Variants in ZNF423 observed in about 807,000 individuals in gnomAD.
ZNF423 encodes the protein zinc finger protein 423.
In ZNF423, 12 loss-of-function variants were observed where a neutral mutation model predicts 95.8. The observed-to-expected ratio is 0.13, with a 90% CI of 0.08 to 0.20. The LOEUF (loss-of-function observed/expected upper bound fraction) is 0.20, where lower values mean the gene tolerates loss of function less well. ZNF423 is among the 10% of genes least tolerant of loss of function. The pLI, the probability that ZNF423 is intolerant of heterozygous loss-of-function variation, is 1.00. For missense variants in ZNF423, 1,316 were observed against 1,737.1 expected, an observed-to-expected ratio of 0.76 and a Z score of 4.31; for synonymous variants, 749 against 711.9, an observed-to-expected ratio of 1.05 and a Z score of -0.83.
At chr16:49,664,202 G>A (rs1250433332) in intron 3 of ZNF423, 2 of 985,452 alleles carry the variant, frequency 2.0e-6, no homozygotes, top group Non-Finnish European at 2.4e-6. Flanking sequence ...GGGCTGGAGA[G>A]GCGCTTCCCA....
chr16:49,623,353 C>T (rs956398016), intron 5 of ZNF423, among the ~76,000 whole-genome samples: 1 of 152,156 alleles, frequency 6.6e-6, no homozygotes, highest in African/African-American at 2.4e-5. Context: ...TTTTGTGTTT[C>T]CCACAACTCT....
intron 3 of ZNF423, among the ~76,000 whole-genome samples, chr16:49,658,628 T>C (rs2030023611): frequency 6.6e-6 from 1 of 152,206 alleles, no homozygotes; most frequent in Non-Finnish European, 1.5e-5. Context: ...CTCTGGGATA[T>C]GGCAGCAGCA....
intron 3 of ZNF423, among the ~76,000 whole-genome samples, chr16:49,702,394 C>T (rs962091842): frequency 6.6e-6 from 1 of 152,220 alleles, no homozygotes; most frequent in Non-Finnish European, 1.5e-5. Flanking sequence ...TTCGAGTGGG[C>T]CAGCCCCATC....
In ZNF423 at chr16:49,742,171, A is replaced by C. The variant is rs974411663; in HGVS notation, c.101-11200T>G. Among the ~76,000 whole-genome samples, 3 of 152,180 alleles carry C rather than the reference A, an allele frequency of 2.0e-5. No individual in the cohort carries two copies. The South Asian group carries it at 6.2e-4, about 32-fold the overall frequency. ...CTTGTTTTTTATGGGTGTTCCATAC[A>C]TGCACGAATGAATGACTCTACCCTC... On this transcript the variant is annotated intron_variant, in intron 2 of 7. Transcript: ENST00000563137.
chr16:49,638,890 G>A lies in ZNF423; in HGVS notation c.302-16C>T, dbSNP rs553708855. 6.3e-7 allele frequency: 1 copy of A among 1,590,350 alleles called. No homozygotes were observed. The highest frequency in any genetic ancestry group is 2.2e-5 in the East Asian group (1 of 44,646). Reference sequence around the variant, plus strand: ...TCATCACCATCTGCAAGAGAAGGCAGAGAGGATATTAGAGGCAATTCCCAG... The same window carrying A: ...TCATCACCATCTGCAAGAGAAGGCAAAGAGGATATTAGAGGCAATTCCCAG... On this transcript the variant is annotated splice_polypyrimidine_tract_variant and intron_variant, in intron 3 of 7. Coordinates refer to ENST00000563137, the MANE Select transcript of ZNF423 (RefSeq NM_001379286.1). The surrounding 1 kb of genome is among the most constrained non-coding windows in gnomAD (Gnocchi z 5.6).
At chr16:49,539,892 G>C (rs976275977) in intron 5 of ZNF423, among the ~76,000 whole-genome samples, 3 of 152,208 alleles carry the variant, frequency 2.0e-5, no homozygotes, top group African/African-American at 2.4e-5. Flanking sequence ...GCAGGAGTTG[G>C]AGGCCCAGCA....
intron 1 of ZNF423, among the ~76,000 whole-genome samples, chr16:49,842,531 G>A (rs544082760): frequency 1.3e-5 from 2 of 152,032 alleles, no homozygotes; most frequent in South Asian, 4.2e-4. Context: ...AGGATCACTT[G>A]AGCCCAAGAG....
intron 7 of ZNF423, chr16:49,518,704 A>G (rs2151696597): frequency 5.6e-6 from 2 of 355,396 alleles, no homozygotes; most frequent in East Asian, 1.5e-4. Context: ...TGTCATGTCA[A>G]TAAAACCATA....
chr16:49,722,522 C>T (rs2032895423), intron 3 of ZNF423, among the ~76,000 whole-genome samples: 1 of 152,222 alleles, frequency 6.6e-6, no homozygotes. Context: ...TAATAGCACA[C>T]ACTAAAGAAA....
rs191391097 is a variant in ZNF423, at chr16:49,678,896, A to G, written c.302-40022T>C. On this transcript the variant is annotated intron_variant, in intron 3 of 7. Transcript: ENST00000563137. ...AGATACAGGAATCAATTCTCAATCC[A>G]TACAAATGCTCAGAGATACCTTGGA... 3.9e-5 allele frequency among the ~76,000 whole-genome samples: 6 copies of G among 152,340 alleles called. No homozygotes were observed. The East Asian group carries it at 1.2e-3, about 29-fold the overall frequency.
At chr16:49,796,081 C>G (rs1490323382) in intron 1 of ZNF423, among the ~76,000 whole-genome samples, 1 of 152,098 alleles carries the variant, frequency 6.6e-6, no homozygotes, top group African/African-American at 2.4e-5. Context: ...CAGGACTCCA[C>G]GTTGACTCTC....
chr16:49,528,050 G>A (rs777760865), intron 5 of ZNF423, among the ~76,000 whole-genome samples: 9 of 152,070 alleles, frequency 5.9e-5, no homozygotes, highest in Non-Finnish European at 1.0e-4. Flanking sequence ...GAGGAGAGAC[G>A]TCCCCAGGCT....
At chr16:49,663,008 G>T (rs2151916341) in intron 3 of ZNF423, among the ~76,000 whole-genome samples, 1 of 152,236 alleles carries the variant, frequency 6.6e-6, no homozygotes, top group South Asian at 2.1e-4. Flanking sequence ...CAACCTCTCT[G>T]GTCTTGGTTT....
rs1193225069 is a variant in ZNF423, at chr16:49,626,203, C to T, written c.3568G>A (p.Glu1190Lys). 1.2e-6 allele frequency: 2 copies of T among 1,614,076 alleles called. No homozygotes were observed. Among genetic ancestry groups the T allele is most frequent in the South Asian group, 2.2e-5 (2 of 91,074 alleles). Reference protein sequence around the residue: ...KCQMTFENEREIQIHVANHMI... With the variant: ...KCQMTFENERKIQIHVANHMI... ...TGGTTGGCAACGTGGATTTGGATCTCTCTCTCGTTCTCGAAGGTCATCTGG... is the reference window on the plus strand; with the variant it reads ...TGGTTGGCAACGTGGATTTGGATCTTTCTCTCGTTCTCGAAGGTCATCTGG... The change falls in exon 5 of 8, where the codon GAG (glutamate) becomes AAG (lysine). Residue 1190 changes from glutamate (E) to lysine (K), a missense_variant. This residue lies in a region of ZNF423 where 75 missense variants were observed against 163.5 expected (regional missense o/e 0.46). Coordinates refer to ENST00000563137, the MANE Select transcript of ZNF423 (RefSeq NM_001379286.1).
At chr16:49,535,002 T>C (rs1411735335) in intron 5 of ZNF423, among the ~76,000 whole-genome samples, 2 of 152,212 alleles carry the variant, frequency 1.3e-5, no homozygotes, top group African/African-American at 4.8e-5. Context: ...TGCTTCTCTC[T>C]CTTGAAATTC....
chr16:49,684,836 T>C (rs2031500039), intron 3 of ZNF423, among the ~76,000 whole-genome samples: 1 of 152,020 alleles, frequency 6.6e-6, no homozygotes, highest in Non-Finnish European at 1.5e-5. Context: ...TGGACATAAA[T>C]GAGGGGGCCC....
intron 5 of ZNF423, among the ~76,000 whole-genome samples, chr16:49,543,515 A>T (rs1449666778): frequency 6.6e-6 from 1 of 152,192 alleles, no homozygotes; most frequent in Non-Finnish European, 1.5e-5. Flanking sequence ...CAATCCAGCT[A>T]ATTTGCATAA....
intron 2 of ZNF423, among the ~76,000 whole-genome samples, chr16:49,774,292 C>G (rs1159156054): frequency 1.3e-5 from 2 of 152,188 alleles, no homozygotes; most frequent in Admixed American, 6.5e-5. Context: ...GAAAGTCCCA[C>G]CCAGGGCCCC....
At chr16:49,552,025 A>G (rs1969659626) in intron 5 of ZNF423, among the ~76,000 whole-genome samples, 1 of 152,256 alleles carries the variant, frequency 6.6e-6, no homozygotes, top group Non-Finnish European at 1.5e-5. Context: ...AGAAATTTGT[A>G]TTAAAATATG....
Sources: gnomAD v4.1 joint callset for allele counts (sites outside exome capture counted in the v4.1 genomes callset) on GRCh38, gnomAD v4.1.1 for gene constraint, gnomAD v4.1.1 regional missense constraint, Gnocchi (gnomAD v3.1) non-coding constraint, MANE v1.5 for transcripts, NCBI Gene and HGNC (gene_info 2026-07-23, HGNC 2026-07-21) for gene names.